Variants in DPYSL4 observed in about 807,000 individuals in gnomAD.
The protein encoded by DPYSL4 is dihydropyrimidinase like 4.
Under a neutral mutation model 63.4 loss-of-function variants are expected in DPYSL4, and 43 were observed. That is an observed-to-expected ratio of 0.68 (90% CI 0.53 to 0.88). The LOEUF (loss-of-function observed/expected upper bound fraction) is 0.88, where lower values mean the gene tolerates loss of function less well. Ranked by LOEUF, DPYSL4 falls within the 40% of genes least tolerant of loss-of-function variation. DPYSL4 has a pLI of 0.00. For missense variants in DPYSL4, 733 were observed against 819.5 expected (o/e 0.89, Z 1.29); for synonymous variants, 353 against 331.7 (o/e 1.06, Z -0.70).
At chr10:132,199,056 A>G in intron 8 of DPYSL4, 85 bp downstream of exon 8, 1 of 1,512,254 alleles carries the variant, frequency 6.6e-7, no homozygotes, top group East Asian at 2.3e-5. Flanking sequence ...AGGTTCCCTG[A>G]GTCCCTGCAT....
chr10:132,192,297 C>G (rs55970342), intron 2 of DPYSL4: 1 of 994,990 alleles, frequency 1.0e-6, no homozygotes, highest in African/African-American at 1.7e-5. Context: ...TAGTATGGTG[C>G]CTGGCTCATA....
At chr10:132,187,335 GGCCCGGCCCT>G (rs1554965555) in intron 1 of DPYSL4, among the ~76,000 whole-genome samples, 14 of 35,326 alleles carry the variant, frequency 4.0e-4, no homozygotes, top group East Asian at 0.043. Context: ...GGCCCGGCCC[GGCCCGGCCCT>G]GCCCGGCCCT....
chr10:132,188,091 G>A (rs1048181019), intron 1 of DPYSL4, among the ~76,000 whole-genome samples: 2 of 152,166 alleles, frequency 1.3e-5, no homozygotes, highest in Non-Finnish European at 2.9e-5. Context: ...GGTTCTGCCC[G>A]GCTGGGTCTG....
Position 132,190,854 on chromosome 10 carries a change from T to A in DPYSL4, c.128+19T>A. 1 of 1,611,246 alleles carries A rather than the reference T, an allele frequency of 6.2e-7. No homozygotes were observed. Among genetic ancestry groups the A allele is most frequent in the Non-Finnish European group, 8.5e-7 (1 of 1,178,128 alleles). On this transcript the variant is annotated intron_variant, in intron 2 of 13. Coordinates refer to ENST00000338492, the MANE Select transcript of DPYSL4 (RefSeq NM_006426.3). ...TGATAAAGTAAGTTTCCGCCGAAAA[T>A]GAAAATACGTTCCCAGCTCGTGTGT...
intron 2 of DPYSL4, among the ~76,000 whole-genome samples, chr10:132,191,221 CGTG>C (rs138211214): frequency 0.03 from 2,500 of 83,202 alleles, 419 homozygotes; most frequent in African/African-American, 0.1. Flanking sequence ...ACACTGGTCA[CGTG>C]GTATCCAGGC....
At chr10:132,195,697 T>G (rs116020142) in intron 4 of DPYSL4, among the ~76,000 whole-genome samples, 2,192 of 152,280 alleles carry the variant, frequency 0.014, 58 homozygotes, top group African/African-American at 0.049. Flanking sequence ...GTGACGGTCA[T>G]CACATAGGTG....
At chr10:132,197,552 G>C (rs997269049) in intron 6 of DPYSL4, among the ~76,000 whole-genome samples, 2 of 152,216 alleles carry the variant, frequency 1.3e-5, no homozygotes, top group African/African-American at 4.8e-5. Context: ...CCAGGCCCTT[G>C]GGGCTGAGGC....
chr10:132,190,668 T>C (rs1450783022), intron 1 of DPYSL4, 79 bp from the exon 2 acceptor site: 2 of 1,389,388 alleles, frequency 1.4e-6, no homozygotes, highest in African/African-American at 2.9e-5. Context: ...CAGTCATAAT[T>C]TCAGAGGAAG....
rs1164008006 is a variant in DPYSL4, at chr10:132,203,561, T to C, written c.1462-201T>C. ...GGCATTATACACGTATGGGGAGGACTGCAAGGAGGGAGGCGTGTGTGAACT... is the reference window on the plus strand; with the variant it reads ...GGCATTATACACGTATGGGGAGGACCGCAAGGAGGGAGGCGTGTGTGAACT... On this transcript the variant is annotated intron_variant, in intron 12 of 13. Coordinates refer to ENST00000338492, the MANE Select transcript of DPYSL4 (RefSeq NM_006426.3). The C allele has an allele frequency of 6.8e-6, 4 of 587,196 alleles. No homozygotes were observed. In the Admixed American group the frequency reaches 8.9e-5, roughly 13 times the overall value. The allele number at this position is 587,196 out of a possible 1,614,324, so 36.4% of individuals were successfully genotyped here. A position where few individuals can be genotyped will look rare whatever the true frequency, so the allele number is the denominator to read the frequency against.
chr10:132,189,458 A>G (rs2061845672), intron 1 of DPYSL4, among the ~76,000 whole-genome samples: 1 of 152,168 alleles, frequency 6.6e-6, no homozygotes, highest in African/African-American at 2.4e-5. Flanking sequence ...TGGATTTATG[A>G]CTGCCAAGCA....
intron 13 of DPYSL4, 70 bp from the exon 14 acceptor site, chr10:132,204,769 C>T (rs2062072312): frequency 8.0e-6 from 11 of 1,381,076 alleles, no homozygotes; most frequent in Non-Finnish European, 1.1e-5. Flanking sequence ...CTGACTCTGC[C>T]TCACGCCTTG....
chr10:132,199,471 T>A (rs113312347), intron 8 of DPYSL4, among the ~76,000 whole-genome samples: 2 of 151,796 alleles, frequency 1.3e-5, no homozygotes, highest in South Asian at 4.2e-4. Context: ...CAGAGGCTAC[T>A]GGGCTCAGAG....
rs747210665 is a variant in DPYSL4, at chr10:132,187,027, G to A, written c.-37G>A. On this transcript the variant is annotated 5_prime_UTR_variant, in exon 1 of 14. Coordinates refer to ENST00000338492, the MANE Select transcript of DPYSL4 (RefSeq NM_006426.3). ...CCCGCCCGCCCGCCCGCCCGCCCCC[G>A]CTTGTGCCGCCCCTACCAGAGACCC... 2 of 155,606 alleles carry A rather than the reference G, an allele frequency of 1.3e-5. No homozygotes were observed. The highest frequency in any genetic ancestry group is 1.9e-5 in the Non-Finnish European group (2 of 105,520). The allele number at this position is 155,606 out of a possible 1,614,324, so 9.6% of individuals were successfully genotyped here.
At chr10:132,199,685 G>C (rs544387522) in intron 8 of DPYSL4, among the ~76,000 whole-genome samples, 10 of 139,256 alleles carry the variant, frequency 7.2e-5, no homozygotes, top group Admixed American at 4.2e-4. Context: ...TGGGCAGGGT[G>C]GGGGGCGGGG....
intron 1 of DPYSL4, 84 bp from the exon 2 acceptor site, chr10:132,190,663 A>G: frequency 1.5e-6 from 2 of 1,355,616 alleles, no homozygotes; most frequent in Non-Finnish European, 2.0e-6. Context: ...TGTTTCAGTC[A>G]TAATTTCAGA....
rs376906063 is a variant in DPYSL4, at chr10:132,187,057, G to A, written c.-7G>A. The A allele has an allele frequency of 9.8e-6, 12 of 1,226,754 alleles. No individual in the cohort carries two copies. The highest frequency in any genetic ancestry group is 7.3e-5 in the East Asian group (1 of 13,778). 76.0% of individuals were successfully genotyped at this position (1,226,754 alleles called of 1,614,324 possible). A position where few individuals can be genotyped will look rare whatever the true frequency, so the allele number is the denominator to read the frequency against. On this transcript the variant is annotated 5_prime_UTR_variant, in exon 1 of 14. Transcript: ENST00000338492. Reference sequence around the variant, plus strand: ...TGCCGCCCCTACCAGAGACCCCCAGGAGCAGGATGTCCTTCCAGGGCAAGA... The same window carrying A: ...TGCCGCCCCTACCAGAGACCCCCAGAAGCAGGATGTCCTTCCAGGGCAAGA...
At position 132,197,508 on chromosome 10, in the gene DPYSL4, A is replaced by G. The variant is rs184953409; in HGVS notation, c.621+407A>G. 4.4e-3 allele frequency among the ~76,000 whole-genome samples: 676 copies of G among 152,260 alleles called. 3 individuals are homozygous for G. The highest frequency in any genetic ancestry group is 0.016 in the African/African-American group (655 of 41,550). On this transcript the variant is annotated intron_variant, in intron 6 of 13. Transcript: ENST00000338492. ...TCAGACACATCCCACCGGGCTGGGG[A>G]GGGCCTGAGCCCGCGTGCAGTGGCG...
At chr10:132,197,409 C>T (rs900228367) in intron 6 of DPYSL4, among the ~76,000 whole-genome samples, 6 of 152,206 alleles carry the variant, frequency 3.9e-5, no homozygotes, top group African/African-American at 4.8e-5. Context: ...TCCTGTGGAG[C>T]GGGGTACCCG....
At chr10:132,197,292 G>A (rs531774291) in intron 6 of DPYSL4, among the ~76,000 whole-genome samples, 191 bp downstream of exon 6, 14 of 152,320 alleles carry the variant, frequency 9.2e-5, no homozygotes, top group South Asian at 4.1e-4. Context: ...TAGAGAGACT[G>A]GGGGGTGATG....
Sources: gnomAD v4.1 joint callset for allele counts (sites outside exome capture counted in the v4.1 genomes callset) on GRCh38, gnomAD v4.1.1 for gene constraint, MANE v1.5 for transcripts, NCBI Gene and HGNC (gene_info 2026-07-23, HGNC 2026-07-21) for gene names.